SPPL3: variants seen among roughly 807,000 people sequenced by gnomAD.
SPPL3 encodes the protein signal peptide peptidase like 3, also known as signal peptide peptidase-like 3.
Under a neutral mutation model 42.4 loss-of-function variants are expected in SPPL3, and 5 were observed. The ratio of observed to expected loss-of-function variants is 0.12; its 90% confidence interval spans 0.06 to 0.25. SPPL3 has a LOEUF of 0.25. Ranked by LOEUF, SPPL3 falls within the 10% of genes least tolerant of loss-of-function variation. The pLI, the probability that SPPL3 is intolerant of heterozygous loss-of-function variation, is 1.00. For synonymous variants in SPPL3, 195 were observed against 181.8 expected (o/e 1.07, Z -0.58); for missense variants, 235 against 489.0 (o/e 0.48, Z 4.90).
intron 6 of SPPL3, among the ~76,000 whole-genome samples, chr12:120,778,194 G>A (rs918531936): frequency 1.6e-5 from 2 of 127,408 alleles, no homozygotes; most frequent in Non-Finnish European, 3.1e-5. Flanking sequence ...TCGGCTCACT[G>A]CAACCTCCAC....
At chr12:120,886,721 T>G (rs544678388) in intron 1 of SPPL3, among the ~76,000 whole-genome samples, 58 of 152,222 alleles carry the variant, frequency 3.8e-4, no homozygotes, top group Non-Finnish European at 6.9e-4. Context: ...AATATAAAAC[T>G]AAAGAACTAG....
At chr12:120,855,965 G>C (rs143326657) in intron 1 of SPPL3, among the ~76,000 whole-genome samples, 95 of 152,214 alleles carry the variant, frequency 6.2e-4, no homozygotes, top group African/African-American at 2.2e-3. Context: ...AGTGAATCGT[G>C]ATTAATGTAA....
intron 1 of SPPL3, among the ~76,000 whole-genome samples, chr12:120,899,700 G>A (rs2137073291): frequency 6.6e-6 from 1 of 151,880 alleles, no homozygotes; most frequent in East Asian, 1.9e-4. Flanking sequence ...AGACCATCCT[G>A]GCTAACATGG....
At chr12:120,786,677 T>C (rs1184231907) in intron 3 of SPPL3, among the ~76,000 whole-genome samples, 1 of 152,182 alleles carries the variant, frequency 6.6e-6, no homozygotes, top group Non-Finnish European at 1.5e-5. Context: ...CCACAGATTT[T>C]TGAACCAGGA....
intron 1 of SPPL3, among the ~76,000 whole-genome samples, chr12:120,858,015 C>G (rs1222191786): frequency 2.9e-5 from 4 of 139,562 alleles, no homozygotes; most frequent in African/African-American, 7.4e-5. Context: ...TAAAAATGAA[C>G]AACAGGAAAG....
At chr12:120,899,974 T>C (rs75094922) in intron 1 of SPPL3, among the ~76,000 whole-genome samples, 13,279 of 150,938 alleles carry the variant, frequency 0.088, 1,724 homozygotes, top group African/African-American at 0.28. Context: ...AGTTGAACCC[T>C]TGAGTACAGG....
At chr12:120,814,979 T>G (rs1870818315) in intron 1 of SPPL3, among the ~76,000 whole-genome samples, 1 of 150,934 alleles carries the variant, frequency 6.6e-6, no homozygotes, top group Admixed American at 6.6e-5. Context: ...CCCCACAGTT[T>G]TTGTTTTGTT....
intron 1 of SPPL3, among the ~76,000 whole-genome samples, chr12:120,858,314 G>A (rs992140042): frequency 1.5e-4 from 23 of 152,204 alleles, no homozygotes; most frequent in Middle Eastern, 3.4e-3. Context: ...ACAAAACTTA[G>A]CCAGGTGTGA....
chr12:120,882,252 T>C (rs1232417459), intron 1 of SPPL3, among the ~76,000 whole-genome samples: 1 of 152,068 alleles, frequency 6.6e-6, no homozygotes, highest in Non-Finnish European at 1.5e-5. Flanking sequence ...AGTTTCAAGG[T>C]ATCCACTGGG....
intron 10 of SPPL3, 66 bp from the exon 11 acceptor site, chr12:120,765,136 TTA>T: frequency 6.6e-7 from 1 of 1,515,518 alleles, no homozygotes; most frequent in Non-Finnish European, 8.9e-7. Context: ...GTCTGATTCT[TTA>T]AAAAAAAAAA....
chr12:120,798,964 T>C (rs964202806), intron 2 of SPPL3, among the ~76,000 whole-genome samples: 1 of 152,178 alleles, frequency 6.6e-6, no homozygotes, highest in African/African-American at 2.4e-5. Flanking sequence ...CGGGACAGGA[T>C]GAAGGGTTAT....
At chr12:120,889,092 G>A (rs1398947337) in intron 1 of SPPL3, among the ~76,000 whole-genome samples, 2 of 152,084 alleles carry the variant, frequency 1.3e-5, no homozygotes, top group Non-Finnish European at 2.9e-5. Context: ...GAGATTACAG[G>A]CATGAGCCAC....
At chr12:120,806,595 TC>T (rs1400577888) in intron 2 of SPPL3, among the ~76,000 whole-genome samples, 1 of 152,118 alleles carries the variant, frequency 6.6e-6, no homozygotes, top group African/African-American at 2.4e-5. Flanking sequence ...ACGCCTGTAA[TC>T]CCAGTATTTT....
intron 3 of SPPL3, among the ~76,000 whole-genome samples, chr12:120,785,893 C>A (rs1869705444): frequency 1.5e-5 from 2 of 132,424 alleles, no homozygotes. Context: ...GGGAGGATCA[C>A]TTGAGCCCAG....
At chr12:120,884,440 A>G (rs1000799384) in intron 1 of SPPL3, among the ~76,000 whole-genome samples, 1 of 152,122 alleles carries the variant, frequency 6.6e-6, no homozygotes, top group Admixed American at 6.5e-5. Flanking sequence ...CCAAAAGGGT[A>G]ACATGAAATG....
intron 1 of SPPL3, among the ~76,000 whole-genome samples, chr12:120,841,779 C>A (rs188559581): frequency 6.6e-6 from 1 of 151,240 alleles, no homozygotes; most frequent in East Asian, 1.9e-4. Flanking sequence ...AAAGGTCAAA[C>A]ACAGAGTGGT....
At chr12:120,886,842 A>C (rs1224504289) in intron 1 of SPPL3, among the ~76,000 whole-genome samples, 3 of 152,162 alleles carry the variant, frequency 2.0e-5, no homozygotes, top group Non-Finnish European at 1.5e-5. Context: ...CGCACTGTTC[A>C]ATATGGGAGC....
At chr12:120,837,202 T>A (rs1871649680) in intron 1 of SPPL3, among the ~76,000 whole-genome samples, 1 of 152,228 alleles carries the variant, frequency 6.6e-6, no homozygotes, top group Non-Finnish European at 1.5e-5. Flanking sequence ...AGCTATATTA[T>A]TAATATGGTT....
At chr12:120,851,227 G>C (rs905642162) in intron 1 of SPPL3, among the ~76,000 whole-genome samples, 5 of 152,148 alleles carry the variant, frequency 3.3e-5, no homozygotes, top group Admixed American at 2.6e-4. Context: ...ACTCAAACTA[G>C]AGCATATGGC....
Sources: allele counts gnomAD v4.1 joint callset (sites outside exome capture counted in the v4.1 genomes callset), GRCh38; gene constraint gnomAD v4.1.1; transcripts MANE v1.5; gene names NCBI Gene and HGNC (gene_info 2026-07-23, HGNC 2026-07-21).